MPV17L2: variants seen among roughly 807,000 people sequenced by gnomAD.
MPV17L2 encodes mpv17-like protein 2.
In MPV17L2, 25 loss-of-function variants were observed where a neutral mutation model predicts 24.2. The observed-to-expected ratio is 1.03, with a 90% CI of 0.75 to 1.44. MPV17L2 has a LOEUF of 1.44. MPV17L2 is among the 40% of genes most tolerant of loss of function. The pLI, the probability that MPV17L2 is intolerant of heterozygous loss-of-function variation, is 0.00. For synonymous variants in MPV17L2, 130 were observed against 121.4 expected (o/e 1.07, Z -0.46); for missense variants, 271 against 276.2 (o/e 0.98, Z 0.13).
intron 2 of MPV17L2, among the ~76,000 whole-genome samples, chr19:18,194,394 G>T (rs1967474334): frequency 6.6e-6 from 1 of 152,156 alleles, no homozygotes; most frequent in South Asian, 2.1e-4. Context: ...ACTTAATGGG[G>T]TGCAACCGTG....
intron 4 of MPV17L2, 26 bp downstream of exon 4, chr19:18,195,112 C>T (rs1451371358): frequency 6.2e-7 from 1 of 1,610,072 alleles, no homozygotes; most frequent in South Asian, 1.1e-5. Context: ...ATACCAGGCA[C>T]CCAGGGGACT....
Position 18,194,052 on chromosome 19 carries a change from C to T in MPV17L2, c.358+18C>T, listed in dbSNP as rs375077321. The stretch of plus-strand genomic sequence containing the variant: ...CTTCTTGGGTAAGGAGCCTCCTAAG[C>T]CTAGGCTTTGCCTCTCATAGGTCGG... On this transcript the variant is annotated intron_variant, in intron 2 of 4. Transcript: ENST00000599612. 2.5e-6 allele frequency: 4 copies of T among 1,611,846 alleles called. No individual in the cohort carries two copies. In the African/African-American group the frequency reaches 4.0e-5, roughly 16 times the overall value.
Position 18,195,993 on chromosome 19 carries a change from G to C in MPV17L2, c.565-6G>C, listed in dbSNP as rs984471930. 1.9e-6 allele frequency: 3 copies of C among 1,603,648 alleles called. No individual in the cohort carries two copies. In the African/African-American group the frequency reaches 4.0e-5, roughly 21 times the overall value. Reference sequence around the variant, plus strand: ...TCTGACCAGATGCCTTGTCTTGTGTGGACAGAGCCCAGTTCCTCTGACACC... The same window carrying C: ...TCTGACCAGATGCCTTGTCTTGTGTCGACAGAGCCCAGTTCCTCTGACACC... On this transcript the variant is annotated splice_polypyrimidine_tract_variant and splice_region_variant and intron_variant, in intron 4 of 4. Transcript: ENST00000599612.
intron 2 of MPV17L2, among the ~76,000 whole-genome samples, chr19:18,194,530 T>C (rs537171504): frequency 4.6e-5 from 7 of 152,280 alleles, no homozygotes; most frequent in South Asian, 4.1e-4. Flanking sequence ...GGTGTCTCCA[T>C]TGGGGCACGT....
rs1967488409 is a variant in MPV17L2, at chr19:18,195,069, T to TACTTGAAGTA, written c.547_548insACTTGAAGTA (p.Ser183TyrfsTer160). On this transcript the variant is annotated frameshift_variant, in exon 4 of 5. Coordinates refer to ENST00000599612, the MANE Select transcript of MPV17L2 (RefSeq NM_032683.3). LOFTEE classifies it high-confidence loss of function. The stretch of plus-strand genomic sequence containing the variant: ...GACGCTGGGCTGGGACACGTACCTG[T>TACTTGAAGTA]CCTACTTGAAGTACCGGGTGAGTGT... 6.2e-7 allele frequency: 1 copy of TACTTGAAGTA among 1,614,012 alleles called. No individual in the cohort carries two copies. The highest frequency in any genetic ancestry group is 1.3e-5 in the African/African-American group (1 of 74,910).
In MPV17L2 at chr19:18,195,021, C is replaced by T. The variant is rs1022745648; in HGVS notation, c.499C>T (p.Arg167Ter). Residue 167 changes from arginine to a stop codon, truncating the protein, a stop_gained, in exon 4 of 5, where the codon CGA (arginine) becomes TGA (stop). Transcript: ENST00000599612. LOFTEE classifies it high-confidence loss of function. ...VNFLFVPPQFRVTYINGLTLG... is the reference protein window; with the variant it reads ...VNFLFVPPQF ...CTTCCTCTTCGTGCCCCCCCAATTTCGAGTCACCTACATCAACGGCCTGAC... is the reference window on the plus strand; with the variant it reads ...CTTCCTCTTCGTGCCCCCCCAATTTTGAGTCACCTACATCAACGGCCTGAC... 7 of 1,614,024 alleles carry T rather than the reference C, an allele frequency of 4.3e-6. No homozygotes were observed. The highest frequency in any genetic ancestry group is 1.1e-5 in the South Asian group (1 of 91,070).
intron 4 of MPV17L2, 42 bp from the exon 5 acceptor site, chr19:18,195,957 T>A (rs1332748138): frequency 1.3e-6 from 2 of 1,564,468 alleles, no homozygotes; most frequent in Non-Finnish European, 1.7e-6. Flanking sequence ...CAGGGAGGGA[T>A]GAGCCAGGCT....
At chr19:18,194,115 A>T in intron 2 of MPV17L2, 81 bp downstream of exon 2, 1 of 1,489,346 alleles carries the variant, frequency 6.7e-7, no homozygotes, top group Non-Finnish European at 9.1e-7. Context: ...AAGGATGCAG[A>T]GGTGCATTTC....
chr19:18,194,678 TCAGGGGCC>T, intron 2 of MPV17L2, 91 bp from the exon 3 acceptor site: 4 of 1,115,206 alleles, frequency 3.6e-6, no homozygotes, highest in Non-Finnish European at 5.2e-6. Flanking sequence ...GCGTGGGCTC[TCAGGGGCC>T]CAACCCCGCC....
chr19:18,194,927 C>T, intron 3 of MPV17L2, 31 bp from the exon 4 acceptor site: 2 of 1,604,916 alleles, frequency 1.2e-6, no homozygotes, highest in South Asian at 1.1e-5. Context: ...CAGCTCTGGC[C>T]CCGCCCCTCA....
In MPV17L2 at chr19:18,195,046, C is replaced by T. The variant is rs760150755; in HGVS notation, c.524C>T (p.Thr175Met). Residue 175 changes from threonine (T) to methionine (M), a missense_variant, in exon 4 of 5, where the codon ACG becomes ATG. Physicochemically the swap from Thr to Met is moderately conservative, Grantham distance 81. Transcript: ENST00000599612. ...CGAGTCACCTACATCAACGGCCTGA[C>T]GCTGGGCTGGGACACGTACCTGTCC... ...QFRVTYINGL[T>M]LGWDTYLSYL... 6.2e-7 allele frequency: 1 copy of T among 1,614,050 alleles called. No homozygotes were observed. Among genetic ancestry groups the T allele is most frequent in the African/African-American group, 1.3e-5 (1 of 74,928 alleles).
In MPV17L2 at chr19:18,196,744, G is replaced by T. The variant is rs768229890; in HGVS notation, c.*689G>T. The T allele has an allele frequency of 5.3e-5, 17 of 323,228 alleles. No individual in the cohort carries two copies. The highest frequency in any genetic ancestry group is 9.1e-5 in the Non-Finnish European group (15 of 165,106). 20.0% of individuals were successfully genotyped at this position (323,228 alleles called of 1,614,324 possible). On this transcript the variant is annotated 3_prime_UTR_variant, in exon 5 of 5. Transcript: ENST00000599612. Reference sequence around the variant, plus strand: ...AAAAATAAAAATAACAAAAGAAAATGCTGTGGATGATCAAAACCAGGGTGG... The same window carrying T: ...AAAAATAAAAATAACAAAAGAAAATTCTGTGGATGATCAAAACCAGGGTGG...
rs1037024376 is a variant in MPV17L2, at chr19:18,196,860, G to C, written c.*805G>C. On this transcript the variant is annotated 3_prime_UTR_variant, in exon 5 of 5. Transcript: ENST00000599612. ...TTGTCATGACATCTCCTAAGGAACT[G>C]GGGGGCACGTTTGACACTCATGAGG... 3.9e-5 allele frequency: 8 copies of C among 203,186 alleles called. No homozygotes were observed. The highest frequency in any genetic ancestry group is 8.1e-5 in the Non-Finnish European group (8 of 98,924). The allele number at this position is 203,186 out of a possible 1,614,324, so 12.6% of individuals were successfully genotyped here.
intron 2 of MPV17L2, 82 bp downstream of exon 2, chr19:18,194,116 G>A (rs745835851): frequency 5.4e-6 from 8 of 1,482,832 alleles, no homozygotes; most frequent in African/African-American, 1.4e-5. Context: ...AGGATGCAGA[G>A]GTGCATTTCC....
chr19:18,194,233 G>C (rs2147976458), intron 2 of MPV17L2, 199 bp downstream of exon 2: 1 of 611,296 alleles, frequency 1.6e-6, no homozygotes, highest in East Asian at 2.8e-5. Context: ...GACGAGGACT[G>C]TATCTGTTGG....
chr19:18,194,257 G>C (rs920175573), intron 2 of MPV17L2: 4 of 565,576 alleles, frequency 7.1e-6, no homozygotes, highest in Non-Finnish European at 1.3e-5. Flanking sequence ...TGCCCTGGGC[G>C]GGAGGTTGAG....
At position 18,193,876 on chromosome 19, in the gene MPV17L2, C is replaced by T. The variant is rs747811151; in HGVS notation, c.200C>T (p.Ala67Val). 5 of 1,614,020 alleles carry T rather than the reference C, an allele frequency of 3.1e-6. No individual in the cohort carries two copies. Among genetic ancestry groups the T allele is most frequent in the Non-Finnish European group, 3.4e-6 (4 of 1,180,000 alleles). The change falls in exon 2 of 5, where the codon GCG becomes GTG. Residue 67 changes from alanine (A) to valine (V), a missense_variant. Coordinates refer to ENST00000599612, the MANE Select transcript of MPV17L2 (RefSeq NM_032683.3). ...TACACTCTTATAGCGAGCATGTTTG[C>T]GGTGGGCTGCAGCATGGGTCCCTTC... Reference protein sequence around the residue: ...FDPRRSASMFAVGCSMGPFLH... With the variant: ...FDPRRSASMFVVGCSMGPFLH...
At position 18,194,018 on chromosome 19, in the gene MPV17L2, C is replaced by T. The variant is rs764345762; in HGVS notation, c.342C>T (p.Gly114=). The change falls in exon 2 of 5, where the codon GGC becomes GGT. Residue 114 remains glycine (G), a synonymous_variant. Transcript: ENST00000599612. The part of the protein sequence containing the change: ...VDQLVASPLL[G]VWYFLGLGCL... The stretch of plus-strand genomic sequence containing the variant: ...AGCTGGTAGCCTCTCCATTGCTGGG[C>T]GTCTGGTACTTCTTGGGTAAGGAGC... 10 of 1,613,964 alleles carry T rather than the reference C, an allele frequency of 6.2e-6. No homozygotes were observed. The highest frequency in any genetic ancestry group is 2.7e-5 in the African/African-American group (2 of 74,944).
intron 2 of MPV17L2, 102 bp from the exon 3 acceptor site, chr19:18,194,675 C>G: frequency 5.7e-6 from 6 of 1,045,778 alleles, no homozygotes; most frequent in Non-Finnish European, 7.0e-6. Flanking sequence ...GCGGCGTGGG[C>G]TCTCAGGGGC....
Sources: allele counts gnomAD v4.1 joint callset (sites outside exome capture counted in the v4.1 genomes callset), GRCh38; gene constraint gnomAD v4.1.1; transcripts MANE v1.5; gene names NCBI Gene and HGNC (gene_info 2026-07-23, HGNC 2026-07-21).